CNTNAP5: variants seen among roughly 807,000 people sequenced by gnomAD.
The protein encoded by CNTNAP5 is contactin associated protein family member 5, also known as contactin-associated protein-like 5.
In CNTNAP5, 72 loss-of-function variants were observed where a neutral mutation model predicts 150.2. That is an observed-to-expected ratio of 0.48 (90% CI 0.40 to 0.58). The LOEUF (loss-of-function observed/expected upper bound fraction) is 0.58. CNTNAP5 is among the 20% of genes least tolerant of loss of function. The pLI is 0.00. For missense variants in CNTNAP5, 1,636 were observed against 1,626.2 expected, an observed-to-expected ratio of 1.01 and a Z score of -0.10; for synonymous variants, 672 against 619.8, an observed-to-expected ratio of 1.08 and a Z score of -1.25.
chr2:124,707,057 G>A lies in CNTNAP5; in HGVS notation c.2078-40172G>A, dbSNP rs189565745. Among the ~76,000 whole-genome samples, 244 of 94,682 alleles carry A rather than the reference G, an allele frequency of 2.6e-3. 11 individuals are homozygous for A. Among genetic ancestry groups the A allele is most frequent in the African/African-American group, 8.7e-3 (233 of 26,870 alleles). The allele number at this position is 94,682 out of a possible 152,430, so 62.1% of individuals were successfully genotyped here. A position where few individuals can be genotyped will look rare whatever the true frequency, so the allele number is the denominator to read the frequency against. On this transcript the variant is annotated intron_variant, in intron 13 of 23. Coordinates refer to ENST00000682447, the MANE Select transcript of CNTNAP5 (RefSeq NM_001367498.1). ...GAAGAAGAAGGAGGAGGAGGAGGAGGAGGAGAGGAAGAGGAAGAAGAAGAA... is the reference window on the plus strand; with the variant it reads ...GAAGAAGAAGGAGGAGGAGGAGGAGAAGGAGAGGAAGAGGAAGAAGAAGAA...
chr2:124,869,570 C>G, intron 20 of CNTNAP5, 105 bp from the exon 21 acceptor site: 1 of 688,818 alleles, frequency 1.5e-6, no homozygotes, highest in Non-Finnish European at 2.6e-6. Context: ...AGAGGGGGGT[C>G]TGCTATCTGT....
At chr2:124,194,857 TA>T (rs1226718180) in intron 1 of CNTNAP5, among the ~76,000 whole-genome samples, 1 of 151,916 alleles carries the variant, frequency 6.6e-6, no homozygotes, top group African/African-American at 2.4e-5. Flanking sequence ...TTCTTTTGAA[TA>T]TTGGACACAA....
intron 21 of CNTNAP5, among the ~76,000 whole-genome samples, chr2:124,900,903 G>T (rs564213179): frequency 1.3e-5 from 2 of 151,694 alleles, no homozygotes; most frequent in South Asian, 2.1e-4. Context: ...AATTGTATCT[G>T]GGTACAGTGA....
chr2:124,780,566 T>C (rs1437373015), intron 17 of CNTNAP5, among the ~76,000 whole-genome samples: 1 of 152,206 alleles, frequency 6.6e-6, no homozygotes, highest in East Asian at 1.9e-4. Context: ...CATTTTCAAA[T>C]TACTATATGG....
At chr2:124,864,393 C>A (rs1027705567) in intron 19 of CNTNAP5, among the ~76,000 whole-genome samples, 14 of 152,152 alleles carry the variant, frequency 9.2e-5, no homozygotes, top group African/African-American at 3.4e-4. Context: ...CCTGAAACAA[C>A]ATACAATATA....
chr2:124,587,618 T>G (rs1464309433), intron 11 of CNTNAP5, among the ~76,000 whole-genome samples: 1 of 152,140 alleles, frequency 6.6e-6, no homozygotes, highest in Non-Finnish European at 1.5e-5. Context: ...TGCAATAGTC[T>G]CCTCGTCTTT....
At chr2:124,231,026 G>A (rs755923759) in intron 2 of CNTNAP5, among the ~76,000 whole-genome samples, 1 of 152,208 alleles carries the variant, frequency 6.6e-6, no homozygotes, top group Middle Eastern at 3.4e-3. Flanking sequence ...GTCGAATTGT[G>A]TATGGTGGGT....
At chr2:124,124,898 G>C (rs1196264900) in intron 1 of CNTNAP5, among the ~76,000 whole-genome samples, 2 of 152,122 alleles carry the variant, frequency 1.3e-5, no homozygotes, top group African/African-American at 2.4e-5. Flanking sequence ...TGCCCTACAA[G>C]AGCTTCTGAA....
intron 1 of CNTNAP5, among the ~76,000 whole-genome samples, chr2:124,165,725 G>A (rs1250361860): frequency 6.6e-6 from 1 of 152,112 alleles, no homozygotes; most frequent in East Asian, 1.9e-4. Flanking sequence ...AAACATGGAG[G>A]GGTAGCATAT....
rs546406627 is a variant in CNTNAP5, at chr2:124,191,799, C to G, written c.83-29906C>G. 1.7e-3 allele frequency among the ~76,000 whole-genome samples: 254 copies of G among 152,086 alleles called. 2 individuals carry two copies. Among genetic ancestry groups the G allele is most frequent in the African/African-American group, 6.0e-3 (247 of 41,480 alleles). ...GCATGGTGGCTCACGCCTGTAATCC[C>G]AGCTGCTCGGGAGGCTGAGGCAGGA... On this transcript the variant is annotated intron_variant, in intron 1 of 23. Transcript: ENST00000682447.
At chr2:124,775,743 A>T (rs1681308286) in intron 17 of CNTNAP5, among the ~76,000 whole-genome samples, 1 of 152,190 alleles carries the variant, frequency 6.6e-6, no homozygotes, top group African/African-American at 2.4e-5. Flanking sequence ...TCATTTCACC[A>T]GTCACATTTC....
rs998841210 is a variant in CNTNAP5, at chr2:124,554,759, C to T, written c.1650-8458C>T. 4.6e-5 allele frequency among the ~76,000 whole-genome samples: 7 copies of T among 152,044 alleles called. No homozygotes were observed. In the East Asian group the frequency reaches 7.7e-4, roughly 17 times the overall value. On this transcript the variant is annotated intron_variant, in intron 10 of 23. Coordinates refer to ENST00000682447, the MANE Select transcript of CNTNAP5 (RefSeq NM_001367498.1). Reference sequence around the variant, plus strand: ...AAGTGAAGTTTACAAGAATTATACTCGAATAGGCCAAATTCTCTTAAAAAC... The same window carrying T: ...AAGTGAAGTTTACAAGAATTATACTTGAATAGGCCAAATTCTCTTAAAAAC...
At chr2:124,782,617 T>A (rs184574014) in intron 17 of CNTNAP5, among the ~76,000 whole-genome samples, 2 of 152,064 alleles carry the variant, frequency 1.3e-5, no homozygotes, top group Non-Finnish European at 2.9e-5. Flanking sequence ...ATCTGTAGTT[T>A]GTAAAATAAT....
Position 124,655,993 on chromosome 2 carries a change from AAG to A in CNTNAP5, c.2077+8037_2077+8038del, listed in dbSNP as rs1264927928. 3.8e-3 allele frequency among the ~76,000 whole-genome samples: 563 copies of A among 149,202 alleles called. 1 individual carries two copies. The highest frequency in any genetic ancestry group is 0.014 in the Middle Eastern group (4 of 294). On this transcript the variant is annotated intron_variant, in intron 13 of 23. Transcript: ENST00000682447. ...AAAGAAAGAAAGAAAGAAAGAAAGA[AAG>A]AAAAAAGGAAGGAAGGAAGGAAGGA...
At chr2:124,686,984 C>T (rs1258423966) in intron 13 of CNTNAP5, among the ~76,000 whole-genome samples, 1 of 151,976 alleles carries the variant, frequency 6.6e-6, no homozygotes, top group Admixed American at 6.6e-5. Flanking sequence ...AGCCACTAGC[C>T]CTGTGGGTGT....
intron 11 of CNTNAP5, among the ~76,000 whole-genome samples, chr2:124,569,250 C>T (rs1447216289): frequency 1.3e-5 from 2 of 152,064 alleles, no homozygotes; most frequent in African/African-American, 4.8e-5. Context: ...GTTTTACCTT[C>T]TCTGACATTA....
At chr2:124,637,239 C>G (rs936172559) in intron 12 of CNTNAP5, among the ~76,000 whole-genome samples, 3 of 152,178 alleles carry the variant, frequency 2.0e-5, no homozygotes, top group Non-Finnish European at 2.9e-5. Flanking sequence ...CTCCTTTAAT[C>G]TGGAAGGCCC....
chr2:124,694,538 C>T (rs903791378), intron 13 of CNTNAP5, among the ~76,000 whole-genome samples: 2 of 152,286 alleles, frequency 1.3e-5, no homozygotes, highest in Admixed American at 1.3e-4. Context: ...ATAAAAATCA[C>T]TGATTATAAT....
intron 6 of CNTNAP5, among the ~76,000 whole-genome samples, chr2:124,452,052 A>G (rs1228534556): frequency 6.6e-6 from 1 of 152,064 alleles, no homozygotes; most frequent in Non-Finnish European, 1.5e-5. Context: ...CCGGCACTCA[A>G]GGAAGGGCAT....
Sources: allele counts gnomAD v4.1 joint callset (sites outside exome capture counted in the v4.1 genomes callset), GRCh38; gene constraint gnomAD v4.1.1; transcripts MANE v1.5; gene names NCBI Gene and HGNC (gene_info 2026-07-23, HGNC 2026-07-21).